OMA1: variants seen among roughly 807,000 people sequenced by gnomAD.
OMA1 encodes metalloendopeptidase OMA1, mitochondrial.
In OMA1, 38 loss-of-function variants were observed where a neutral mutation model predicts 30.9. The ratio of observed to expected loss-of-function variants is 1.23; its 90% confidence interval spans 0.95 to 1.61. The LOEUF (loss-of-function observed/expected upper bound fraction) is 1.61, where lower values mean the gene tolerates loss of function less well. Among genes scored for constraint, OMA1 ranks in the 40% most tolerant of loss-of-function variants. The probability of loss-of-function intolerance (pLI) is 0.00; values close to 1 mark genes in which losing one functional copy is unlikely to be tolerated. For missense variants in OMA1, 461 were observed against 349.2 expected (o/e 1.32, Z -2.55); for synonymous variants, 173 against 121.9 (o/e 1.42, Z -2.76).
chr1:58,533,471 G>A (rs1646467516), intron 5 of OMA1, among the ~76,000 whole-genome samples: 2 of 87,706 alleles, frequency 2.3e-5, no homozygotes, highest in South Asian at 9.5e-4. Context: ...CTGTAAAATG[G>A]CAAGGTATTG....
intron 8 of OMA1, among the ~76,000 whole-genome samples, chr1:58,504,862 A>G (rs1645962076): frequency 6.6e-6 from 1 of 152,170 alleles, no homozygotes; most frequent in Non-Finnish European, 1.5e-5. Context: ...ACCATATCTT[A>G]TTCCTCTTTG....
chr1:58,482,679 T>G (rs1276602457), intron 8 of OMA1, among the ~76,000 whole-genome samples: 1 of 151,946 alleles, frequency 6.6e-6, no homozygotes, highest in Non-Finnish European at 1.5e-5. Context: ...ATAATGACTT[T>G]GGGGGTCAAG....
At chr1:58,526,254 A>G (rs1646348182) in intron 7 of OMA1, among the ~76,000 whole-genome samples, 1 of 152,074 alleles carries the variant, frequency 6.6e-6, no homozygotes, top group Non-Finnish European at 1.5e-5. Context: ...ACTTAATCAC[A>G]TTTATTTAAC....
chr1:58,534,851 G>A (rs773178217), intron 3 of OMA1, among the ~76,000 whole-genome samples: 3 of 152,134 alleles, frequency 2.0e-5, no homozygotes, highest in Admixed American at 6.5e-5. Context: ...TGGGAGGATC[G>A]CTTGAGTCTA....
intron 2 of OMA1, among the ~76,000 whole-genome samples, chr1:58,537,740 CAA>C (rs1646539683): frequency 6.6e-6 from 1 of 152,158 alleles, no homozygotes; most frequent in African/African-American, 2.4e-5. Context: ...TGCCTTTACA[CAA>C]AGTGTGTCCA....
intron 8 of OMA1, among the ~76,000 whole-genome samples, chr1:58,497,674 G>A (rs1038326164): frequency 6.6e-6 from 1 of 152,112 alleles, no homozygotes; most frequent in Admixed American, 6.6e-5. Context: ...TCTCTAATTT[G>A]CAAGTATGTC....
chr1:58,497,199 C>T (rs939658298), intron 8 of OMA1, among the ~76,000 whole-genome samples: 1 of 152,070 alleles, frequency 6.6e-6, no homozygotes, highest in Admixed American at 6.6e-5. Flanking sequence ...TATGTACTCA[C>T]CAATTCAATG....
intron 8 of OMA1, among the ~76,000 whole-genome samples, chr1:58,486,635 A>G (rs1645579956): frequency 6.6e-6 from 1 of 152,228 alleles, no homozygotes; most frequent in South Asian, 2.1e-4. Flanking sequence ...AAAAGCCAAT[A>G]AACAAATAAG....
chr1:58,501,933 C>A (rs190484097), intron 8 of OMA1, among the ~76,000 whole-genome samples: 2 of 152,024 alleles, frequency 1.3e-5, no homozygotes, highest in Admixed American at 6.6e-5. Context: ...CACTGCCCCC[C>A]ACTCCCGCCC....
At chr1:58,533,813 G>A in intron 5 of OMA1, 140 bp downstream of exon 5, 2 of 619,390 alleles carry the variant, frequency 3.2e-6, no homozygotes, top group South Asian at 3.9e-5. Context: ...GTTTTTTTCA[G>A]GTAGCAGATT....
At chr1:58,517,596 C>T (rs1646177290) in intron 7 of OMA1, among the ~76,000 whole-genome samples, 1 of 152,130 alleles carries the variant, frequency 6.6e-6, no homozygotes, top group East Asian at 1.9e-4. Context: ...CCTGTATCTC[C>T]AATTCATAAT....
intron 8 of OMA1, among the ~76,000 whole-genome samples, chr1:58,493,742 A>G (rs1645743210): frequency 6.6e-6 from 1 of 151,934 alleles, no homozygotes; most frequent in South Asian, 2.1e-4. Flanking sequence ...GGAGAACTAC[A>G]AACCACTGCT....
chr1:58,487,544 C>T (rs1306090565), intron 8 of OMA1, among the ~76,000 whole-genome samples: 3 of 152,124 alleles, frequency 2.0e-5, no homozygotes, highest in Non-Finnish European at 4.4e-5. Context: ...AGTAACTAGG[C>T]AATTGTTCTC....
chr1:58,522,344 T>C (rs1475771950), intron 7 of OMA1, among the ~76,000 whole-genome samples: 1 of 152,102 alleles, frequency 6.6e-6, no homozygotes, highest in Non-Finnish European at 1.5e-5. Context: ...GTGCAGAAAA[T>C]GCATTTGATA....
At chr1:58,492,136 C>A (rs338255) in intron 8 of OMA1, among the ~76,000 whole-genome samples, 132,774 of 152,162 alleles carry the variant, frequency 0.87, 58,545 homozygotes, top group African/African-American at 0.97. Flanking sequence ...AACCACATGG[C>A]AACTGAACAA....
intron 5 of OMA1, among the ~76,000 whole-genome samples, chr1:58,531,551 AT>A (rs1356658951): frequency 6.6e-6 from 1 of 152,236 alleles, no homozygotes; most frequent in Non-Finnish European, 1.5e-5. Context: ...AATAGCAGTC[AT>A]TACTTGAATG....
At chr1:58,504,639 T>C (rs779091976) in intron 8 of OMA1, among the ~76,000 whole-genome samples, 1 of 152,214 alleles carries the variant, frequency 6.6e-6, no homozygotes, top group Non-Finnish European at 1.5e-5. Flanking sequence ...TCCCCAGCAA[T>C]AGAACACAGA....
Position 58,534,008 on chromosome 1 carries a change from T to G in OMA1, c.956A>C (p.His319Pro), listed in dbSNP as rs375835465. 1.8e-4 allele frequency: 155 copies of G among 871,666 alleles called. No homozygotes were observed. The highest frequency in any genetic ancestry group is 3.0e-4 in the Non-Finnish European group (148 of 501,420). 54.0% of individuals were successfully genotyped at this position (871,666 alleles called of 1,614,324 possible). ...ATGGCCCAGAAGGAAAGAAAGTTGATGAATATCGGTTACACTATTTAAAAA... is the reference window on the plus strand; with the variant it reads ...ATGGCCCAGAAGGAAAGAAAGTTGAGGAATATCGGTTACACTATTTAAAAA... ...TGFLNSVTDI[H>P]QLSFLLGHEI... Residue 319 changes from histidine to proline, a missense_variant, in exon 5 of 9, where the codon CAT becomes CCT. Physicochemically the swap from His to Pro is moderately conservative, Grantham distance 77. Coordinates refer to ENST00000371226, the MANE Select transcript of OMA1 (RefSeq NM_145243.5).
chr1:58,512,619 T>C (rs1416333125), intron 7 of OMA1, among the ~76,000 whole-genome samples: 1 of 152,174 alleles, frequency 6.6e-6, no homozygotes, highest in African/African-American at 2.4e-5. Context: ...CTTGAGGACA[T>C]TAAGCTAAGT....
Sources: gnomAD v4.1 joint callset for allele counts (sites outside exome capture counted in the v4.1 genomes callset) on GRCh38, gnomAD v4.1.1 for gene constraint, MANE v1.5 for transcripts, NCBI Gene and HGNC (gene_info 2026-07-23, HGNC 2026-07-21) for gene names.